The following MAML2 variants were observed in gnomAD, a reference collection of about 807,000 sequenced individuals.
The protein encoded by MAML2 is mastermind like transcriptional coactivator 2, also known as mastermind-like protein 2.
MAML2 carries 22 observed loss-of-function variants against 96.1 expected under a neutral mutation model. The observed-to-expected ratio is 0.23, with a 90% confidence interval of 0.16 to 0.33. The LOEUF (loss-of-function observed/expected upper bound fraction) is 0.33. Among genes scored for constraint, MAML2 ranks in the 10% least tolerant of loss-of-function variants. The pLI is 1.00. For synonymous variants in MAML2, 561 were observed against 521.3 expected (o/e 1.08, Z -1.04); for missense variants, 1,367 against 1,392.4 (o/e 0.98, Z 0.29).
intron 1 of MAML2, among the ~76,000 whole-genome samples, chr11:96,169,877 T>C (rs1043807529): frequency 1.3e-5 from 2 of 152,206 alleles, no homozygotes; most frequent in Non-Finnish European, 1.5e-5. Flanking sequence ...TTGGTCTCAA[T>C]CTTTTGACCT....
intron 1 of MAML2, among the ~76,000 whole-genome samples, chr11:96,319,172 C>T (rs1018697579): frequency 6.6e-6 from 1 of 152,196 alleles, no homozygotes; most frequent in African/African-American, 2.4e-5. Context: ...ACTGAGGCCT[C>T]CGGTCAACAG....
At chr11:96,163,079 C>A (rs1861138690) in intron 1 of MAML2, among the ~76,000 whole-genome samples, 1 of 152,208 alleles carries the variant, frequency 6.6e-6, no homozygotes, top group Non-Finnish European at 1.5e-5. Flanking sequence ...CTATGCCAAG[C>A]AAACTTCACG....
intron 1 of MAML2, among the ~76,000 whole-genome samples, chr11:96,157,581 A>G (rs1260296975): frequency 6.6e-6 from 1 of 152,276 alleles, no homozygotes; most frequent in African/African-American, 2.4e-5. Context: ...GAAAATCATT[A>G]GAAATAACTG....
At chr11:96,047,627 T>C (rs891115753) in intron 2 of MAML2, among the ~76,000 whole-genome samples, 2 of 152,106 alleles carry the variant, frequency 1.3e-5, no homozygotes, top group African/African-American at 4.8e-5. Flanking sequence ...ACTAGGCTTG[T>C]TGGCCGGGCG....
chr11:96,172,294 A>G (rs761706660), intron 1 of MAML2, among the ~76,000 whole-genome samples: 7 of 152,232 alleles, frequency 4.6e-5, no homozygotes, highest in Non-Finnish European at 8.8e-5. Flanking sequence ...TCATCAGCAA[A>G]GCAAAAGTGG....
intron 1 of MAML2, among the ~76,000 whole-genome samples, chr11:96,182,957 CTTTTT>C (rs11301035): frequency 2.8e-5 from 3 of 108,254 alleles, no homozygotes; most frequent in African/African-American, 3.4e-5. Flanking sequence ...CCTTTCTTTT[CTTTTT>C]TTTTTTTTTT....
At chr11:96,023,323 G>T (rs1343002348) in intron 2 of MAML2, among the ~76,000 whole-genome samples, 1 of 152,202 alleles carries the variant, frequency 6.6e-6, no homozygotes, top group African/African-American at 2.4e-5. Context: ...TGCATATTTT[G>T]TTGCTGGGTA....
chr11:96,069,510 C>CA lies in MAML2; in HGVS notation c.2139+22381dup, dbSNP rs1248382376. Among the ~76,000 whole-genome samples, 4 of 151,620 alleles carry CA rather than the reference C, an allele frequency of 2.6e-5. No individual in the cohort carries two copies. The East Asian group carries it at 7.9e-4, about 30-fold the overall frequency. ...GCAACATGGTAAAACCCCATCTCTA[C>CA]AAAAAAAGTACACAAAAATTAGCCG... On this transcript the variant is annotated intron_variant, in intron 2 of 4. Coordinates refer to ENST00000524717, the MANE Select transcript of MAML2 (RefSeq NM_032427.4).
chr11:96,323,436 T>C (rs1264303345), intron 1 of MAML2, among the ~76,000 whole-genome samples: 1 of 151,434 alleles, frequency 6.6e-6, no homozygotes, highest in Non-Finnish European at 1.5e-5. Flanking sequence ...TGGTTGCAGG[T>C]TGGCGAGGGA....
At chr11:96,094,360 AATT>A (rs1368105312) in intron 1 of MAML2, among the ~76,000 whole-genome samples, 2 of 152,206 alleles carry the variant, frequency 1.3e-5, no homozygotes, top group African/African-American at 4.8e-5. Context: ...CCTGAGCCTC[AATT>A]TTCTCATCTA....
intron 2 of MAML2, among the ~76,000 whole-genome samples, chr11:96,020,676 G>A (rs1448593216): frequency 6.6e-6 from 1 of 152,190 alleles, no homozygotes; most frequent in African/African-American, 2.4e-5. Context: ...TGTGAGCTAA[G>A]GTGGTAGGGA....
intron 1 of MAML2, among the ~76,000 whole-genome samples, chr11:96,339,545 T>C (rs924911032): frequency 6.6e-6 from 1 of 152,166 alleles, no homozygotes; most frequent in Non-Finnish European, 1.5e-5. Flanking sequence ...ACGGCCCCGC[T>C]CCGGCCTTGA....
Position 96,093,461 on chromosome 11 carries a change from C to A in MAML2, c.570G>T (p.Lys190Asn), listed in dbSNP as rs748592480. The A allele has an allele frequency of 6.2e-7, 1 of 1,613,902 alleles. No homozygotes were observed. The highest frequency in any genetic ancestry group is 2.2e-5 in the East Asian group (1 of 44,890). ...AGTTGTCCACAAAGCCATTGGGTCG[C>A]TTGCTGTTGGCAGGAGATAGGTTAA... ...QVVNLSPANSKRPNGFVDNSF... is the reference protein window; with the variant it reads ...QVVNLSPANSNRPNGFVDNSF... The change falls in exon 2 of 5, where the codon AAG becomes AAT. Residue 190 changes from lysine to asparagine, a missense_variant. By Grantham distance (94) the Lys-to-Asn change is moderately conservative (BLOSUM62 0). Transcript: ENST00000524717.
intron 2 of MAML2, among the ~76,000 whole-genome samples, chr11:95,993,426 G>C (rs1015884726): frequency 6.6e-6 from 1 of 152,198 alleles, no homozygotes; most frequent in East Asian, 1.9e-4. Flanking sequence ...AATTAGTTGG[G>C]TGTGGTGGCA....
intron 1 of MAML2, among the ~76,000 whole-genome samples, chr11:96,124,059 G>GAGCAACC (rs1346116851): frequency 3.1e-5 from 4 of 127,494 alleles, no homozygotes; most frequent in Admixed American, 1.0e-4. Flanking sequence ...AACGAGCAAC[G>GAGCAACC]AGCAACCAGC....
At chr11:96,330,751 C>A (rs1323934164) in intron 1 of MAML2, among the ~76,000 whole-genome samples, 1 of 152,218 alleles carries the variant, frequency 6.6e-6, no homozygotes, top group Non-Finnish European at 1.5e-5. Context: ...ATTAGCTAGA[C>A]TGGCTTCCTT....
chr11:96,295,254 G>A (rs1379294062), intron 1 of MAML2, among the ~76,000 whole-genome samples: 1 of 151,924 alleles, frequency 6.6e-6, no homozygotes, highest in African/African-American at 2.4e-5. Flanking sequence ...GCTTTGAAGA[G>A]TAATTAAAAA....
At chr11:96,061,719 A>T (rs762626233) in intron 2 of MAML2, among the ~76,000 whole-genome samples, 2 of 152,178 alleles carry the variant, frequency 1.3e-5, no homozygotes, top group African/African-American at 2.4e-5. Context: ...ATTTTTTCAG[A>T]TAAGAAATTT....
intron 1 of MAML2, among the ~76,000 whole-genome samples, chr11:96,309,389 A>G (rs1219609168): frequency 1.3e-5 from 2 of 152,210 alleles, no homozygotes; most frequent in African/African-American, 4.8e-5. Context: ...ATTCATTCTT[A>G]CCTACAGCCA....
Sources: gnomAD v4.1 joint callset for allele counts (sites outside exome capture counted in the v4.1 genomes callset) on GRCh38, gnomAD v4.1.1 for gene constraint, MANE v1.5 for transcripts, NCBI Gene and HGNC (gene_info 2026-07-23, HGNC 2026-07-21) for gene names.